KANSL1L: variants seen among roughly 807,000 people sequenced by gnomAD.
The protein encoded by KANSL1L is KAT8 regulatory NSL complex subunit 1-like protein.
In KANSL1L, 25 loss-of-function variants were observed where a neutral mutation model predicts 108.6. The observed-to-expected ratio is 0.23, with a 90% confidence interval of 0.17 to 0.32. The LOEUF is 0.32. KANSL1L is among the 10% of genes least tolerant of loss of function. The pLI, the probability that KANSL1L is intolerant of heterozygous loss-of-function variation, is 1.00. For missense variants in KANSL1L, 1,137 were observed against 1,125.7 expected, an observed-to-expected ratio of 1.01 and a Z score of -0.14; for synonymous variants, 405 against 395.1, an observed-to-expected ratio of 1.03 and a Z score of -0.30.
intron 2 of KANSL1L, among the ~76,000 whole-genome samples, chr2:210,136,997 T>A (rs894762130): frequency 1.1e-4 from 16 of 152,224 alleles, no homozygotes; most frequent in South Asian, 8.3e-4. Flanking sequence ...AACAAAACAA[T>A]AATGATTATT....
Position 210,044,547 on chromosome 2 carries a change from T to A in KANSL1L, c.1756-443A>T, listed in dbSNP as rs926771052. On this transcript the variant is annotated intron_variant, in intron 6 of 14. Transcript: ENST00000281772. The surrounding 1 kb of genome is among the most constrained non-coding windows in gnomAD (Gnocchi z 4.2). ...TTGTTCCTGATTGTAATGGGAATGC[T>A]TTTAATTTATCACAATAAGAATGAT... Among the ~76,000 whole-genome samples the A allele has an allele frequency of 7.9e-5, 12 of 152,224 alleles. No individual in the cohort carries two copies. Among genetic ancestry groups the A allele is most frequent in the Middle Eastern group, 6.8e-3 (2 of 294 alleles).
chr2:210,030,808 A>T (rs968127767), intron 9 of KANSL1L: 1 of 152,028 alleles, frequency 6.6e-6, no homozygotes, highest in East Asian at 1.9e-4. Flanking sequence ...GACAGGCTGG[A>T]CCAGATGTCC....
chr2:210,160,316 T>G (rs1004531915), intron 1 of KANSL1L, among the ~76,000 whole-genome samples: 14 of 152,144 alleles, frequency 9.2e-5, no homozygotes, highest in African/African-American at 3.4e-4. Flanking sequence ...TACTCAATGT[T>G]GTACTGGAGG....
intron 2 of KANSL1L, among the ~76,000 whole-genome samples, chr2:210,141,771 T>C (rs1484961301): frequency 6.6e-6 from 1 of 152,224 alleles, no homozygotes; most frequent in African/African-American, 2.4e-5. Context: ...GTTGAGAGTC[T>C]GAATTCTGTC....
chr2:210,024,782 A>G (rs2093913301), intron 13 of KANSL1L, among the ~76,000 whole-genome samples: 1 of 152,178 alleles, frequency 6.6e-6, no homozygotes, highest in Non-Finnish European at 1.5e-5. Flanking sequence ...TCCAGTCCCC[A>G]GTGTGAGGTC....
chr2:210,079,618 A>ATG (rs2094567935), intron 5 of KANSL1L, among the ~76,000 whole-genome samples: 1 of 896 alleles, frequency 1.1e-3, no homozygotes, highest in Non-Finnish European at 4.3e-3. Context: ...ATGTGTATAT[A>ATG]TATATATATA....
At chr2:210,034,668 G>A (rs1000023764) in intron 8 of KANSL1L, among the ~76,000 whole-genome samples, 6 of 152,182 alleles carry the variant, frequency 3.9e-5, no homozygotes, top group African/African-American at 1.4e-4. Context: ...GATCATGTTG[G>A]ACTGTGAGAG....
chr2:210,125,285 T>C (rs1375465671), intron 3 of KANSL1L, among the ~76,000 whole-genome samples: 6 of 152,010 alleles, frequency 3.9e-5, no homozygotes, highest in African/African-American at 1.4e-4. Flanking sequence ...AAAATTTGAA[T>C]AGGCCTATAT....
intron 2 of KANSL1L, among the ~76,000 whole-genome samples, chr2:210,149,607 A>G (rs1394011284): frequency 6.6e-6 from 1 of 152,070 alleles, no homozygotes; most frequent in Non-Finnish European, 1.5e-5. Flanking sequence ...AAATAAACTT[A>G]TAAGGATATT....
Position 210,153,965 on chromosome 2 carries a change from A to C in KANSL1L, c.618T>G (p.Asn206Lys). The C allele has an allele frequency of 6.2e-7, 1 of 1,613,690 alleles. No individual in the cohort carries two copies. Among genetic ancestry groups the C allele is most frequent in the Non-Finnish European group, 8.5e-7 (1 of 1,180,014 alleles). Residue 206 changes from asparagine (N) to lysine (K), a missense_variant, in exon 2 of 15, where the codon AAT (asparagine) becomes AAG (lysine). Asn to Lys is a moderately conservative substitution (Grantham distance 94). This residue lies in a region of KANSL1L where 556 missense variants were observed against 537.7 expected (regional missense o/e 1.03). Transcript: ENST00000281772. ...TQKKIVPGHS[N>K]VPVSSSAAEK... Reference sequence around the variant, plus strand: ...CAGCAGCTGAAGAACTAACAGGCACATTTGAGTGGCCAGGTACAATTTTCT... The same window carrying C: ...CAGCAGCTGAAGAACTAACAGGCACCTTTGAGTGGCCAGGTACAATTTTCT...
At chr2:210,103,677 A>G (rs2094818000) in intron 4 of KANSL1L, among the ~76,000 whole-genome samples, 1 of 152,214 alleles carries the variant, frequency 6.6e-6, no homozygotes, top group African/African-American at 2.4e-5. Flanking sequence ...TTCCATTTAC[A>G]TAATCATTTT....
intron 1 of KANSL1L, among the ~76,000 whole-genome samples, chr2:210,162,234 ATATATATATG>A (rs1200437548): frequency 4.2e-5 from 6 of 143,242 alleles, no homozygotes; most frequent in Non-Finnish European, 3.0e-5. Flanking sequence ...ATATATATAT[ATATATATATG>A]TATATCAATA....
At chr2:210,162,847 G>A (rs1320509441) in intron 1 of KANSL1L, among the ~76,000 whole-genome samples, 1 of 152,114 alleles carries the variant, frequency 6.6e-6, no homozygotes, top group Non-Finnish European at 1.5e-5. Context: ...TAGCAAAGCC[G>A]ATATTACTTT....
At chr2:210,053,816 T>C (rs1460843261) in intron 6 of KANSL1L, among the ~76,000 whole-genome samples, 1 of 151,938 alleles carries the variant, frequency 6.6e-6, no homozygotes, top group Non-Finnish European at 1.5e-5. Context: ...CCTTAATATA[T>C]ATGTATATAT....
chr2:210,031,487 T>G lies in KANSL1L; in HGVS notation c.2089A>C (p.Arg697=), dbSNP rs138977244. 3 of 1,578,686 alleles carry G rather than the reference T, an allele frequency of 1.9e-6. No individual in the cohort carries two copies. The African/African-American group carries it at 4.0e-5, about 21-fold the overall frequency. ...GYSPICKPQI[R]SESSAQLLQG... is the part of the protein sequence containing the mutation. The stretch of plus-strand genomic sequence containing the variant: ...AACAGTTGTGCAGAAGATTCTGACC[T>G]TATTTGAGGCTTACATATAGGTGAA... Residue 697 remains arginine (R), a synonymous_variant, in exon 9 of 15, where the codon AGG becomes CGG. Transcript: ENST00000281772.
At chr2:210,107,555 G>T (rs1300847515) in intron 3 of KANSL1L, among the ~76,000 whole-genome samples, 11 of 148,818 alleles carry the variant, frequency 7.4e-5, no homozygotes, top group Non-Finnish European at 1.3e-4. Context: ...TTGAGACAGA[G>T]TCTTGTTCTA....
chr2:210,138,909 G>A (rs1384642645), intron 2 of KANSL1L, among the ~76,000 whole-genome samples: 1 of 151,978 alleles, frequency 6.6e-6, no homozygotes, highest in Non-Finnish European at 1.5e-5. Flanking sequence ...GACCAGCCTG[G>A]ACAACATGGC....
chr2:210,094,035 T>G (rs1350840766), intron 5 of KANSL1L, among the ~76,000 whole-genome samples: 2 of 152,130 alleles, frequency 1.3e-5, no homozygotes, highest in Non-Finnish European at 2.9e-5. Context: ...GGTAAAGTGG[T>G]AGTGGCCAGG....
At chr2:210,050,065 G>T (rs1206788459) in intron 6 of KANSL1L, among the ~76,000 whole-genome samples, 1 of 152,202 alleles carries the variant, frequency 6.6e-6, no homozygotes, top group African/African-American at 2.4e-5. Context: ...GTTGGGGAAG[G>T]ACGAGGCAGC....
Sources: gnomAD v4.1 joint callset for allele counts (sites outside exome capture counted in the v4.1 genomes callset) on GRCh38, gnomAD v4.1.1 for gene constraint, gnomAD v4.1.1 regional missense constraint, Gnocchi (gnomAD v3.1) non-coding constraint, MANE v1.5 for transcripts, NCBI Gene and HGNC (gene_info 2026-07-23, HGNC 2026-07-21) for gene names.